The following TOP2B variants were observed in gnomAD, a reference collection of about 807,000 sequenced individuals.
The protein encoded by TOP2B is DNA topoisomerase II beta.
Under a neutral mutation model 193.5 loss-of-function variants are expected in TOP2B, and 51 were observed. The observed-to-expected ratio is 0.26, with a 90% CI of 0.21 to 0.33. TOP2B has a LOEUF of 0.33. TOP2B is among the 10% of genes least tolerant of loss of function. The probability of loss-of-function intolerance (pLI) is 1.00; values close to 1 mark genes in which losing one functional copy is unlikely to be tolerated. For missense variants in TOP2B, 1,378 were observed against 1,909.3 expected (o/e 0.72, Z 5.19); for synonymous variants, 634 against 635.7 (o/e 1.00, Z 0.04).
intron 1 of TOP2B, among the ~76,000 whole-genome samples, chr3:25,654,353 AAAC>A (rs757692582): frequency 6.6e-5 from 10 of 152,332 alleles, no homozygotes; most frequent in Admixed American, 4.6e-4. Flanking sequence ...CAAAAAGGAT[AAAC>A]TACCACAGAG....
At chr3:25,648,918 T>C (rs1477362357) in intron 1 of TOP2B, among the ~76,000 whole-genome samples, 1 of 152,080 alleles carries the variant, frequency 6.6e-6, no homozygotes, top group Non-Finnish European at 1.5e-5. Context: ...AAATATATTG[T>C]CATACAAAGA....
intron 4 of TOP2B, among the ~76,000 whole-genome samples, chr3:25,641,396 A>G (rs1703259643): frequency 6.6e-6 from 1 of 152,198 alleles, no homozygotes; most frequent in Admixed American, 6.5e-5. Context: ...CTAAATAAGG[A>G]AAAGGAATCT....
intron 28 of TOP2B, among the ~76,000 whole-genome samples, chr3:25,611,734 T>A (rs1306102816): frequency 1.3e-5 from 2 of 152,052 alleles, no homozygotes; most frequent in Admixed American, 6.6e-5. Flanking sequence ...TGACACAGGA[T>A]GTGCTTGGTA....
chr3:25,641,072 G>A (rs9841803), intron 4 of TOP2B, among the ~76,000 whole-genome samples: 4 of 151,974 alleles, frequency 2.6e-5, no homozygotes, highest in African/African-American at 9.7e-5. Context: ...GTGAGCTGCC[G>A]CACCTGGCTT....
At position 25,601,210 on chromosome 3, in the gene TOP2B, T is replaced by A. The variant is rs1417575880; in HGVS notation, c.4505A>T (p.Asp1502Val). The A allele has an allele frequency of 6.2e-7, 1 of 1,613,108 alleles. No homozygotes were observed. The highest frequency in any genetic ancestry group is 8.5e-7 in the Non-Finnish European group (1 of 1,179,536). ...GGCTCTCTTGGGCTTAGGGACTGTA[T>A]CTGAAGACGGTTTTCCTAGTAAGCA... is the stretch of plus-strand genomic sequence containing the variant. Reference protein sequence around the residue: ...VAAKKGKPSSDTVPKPKRAPK... With the variant: ...VAAKKGKPSSVTVPKPKRAPK... The change falls in exon 34 of 36, where the codon GAT (aspartate) becomes GTT (valine). Residue 1502 changes from aspartate (D) to valine (V), a missense_variant. Physicochemically the swap from Asp to Val is radical, Grantham distance 152. Transcript: ENST00000264331.
rs144388488 is a variant in TOP2B, at chr3:25,655,914, G to A, written c.69+8315C>T. On this transcript the variant is annotated intron_variant, in intron 1 of 35. Transcript: ENST00000264331. ...TTAGTGTTTAGTAGATATAGTTTCA[G>A]TTTGGGAAAATGAAATACTTCTAGA... Among the ~76,000 whole-genome samples the A allele has an allele frequency of 3.5e-3, 535 of 152,254 alleles. 5 individuals carry two copies. The highest frequency in any genetic ancestry group is 0.027 in the Middle Eastern group (8 of 294).
At chr3:25,604,471 A>G (rs573588048) in intron 33 of TOP2B, among the ~76,000 whole-genome samples, 1 of 152,290 alleles carries the variant, frequency 6.6e-6, no homozygotes, top group Non-Finnish European at 1.5e-5. Flanking sequence ...GCAAGACAAA[A>G]TTTTAATCTC....
chr3:25,648,154 T>C (rs1380926568), intron 1 of TOP2B, among the ~76,000 whole-genome samples: 1 of 152,220 alleles, frequency 6.6e-6, no homozygotes, highest in Non-Finnish European at 1.5e-5. Context: ...AGTACTGACA[T>C]TGAACAGGGT....
intron 1 of TOP2B, among the ~76,000 whole-genome samples, chr3:25,657,266 T>C (rs1703773587): frequency 6.6e-6 from 1 of 152,170 alleles, no homozygotes; most frequent in South Asian, 2.1e-4. Flanking sequence ...AATCAAAATC[T>C]GGGGTAAGGG....
chr3:25,602,428 A>C (rs1211795091), intron 33 of TOP2B, among the ~76,000 whole-genome samples: 4 of 148,042 alleles, frequency 2.7e-5, no homozygotes, highest in East Asian at 2.0e-4. Context: ...AAAAAAAAAA[A>C]CTGATAAATC....
At chr3:25,622,297 G>C (rs1203432883) in intron 21 of TOP2B, among the ~76,000 whole-genome samples, 1 of 152,050 alleles carries the variant, frequency 6.6e-6, no homozygotes, top group African/African-American at 2.4e-5. Flanking sequence ...TTAAAAATTT[G>C]ATGCTTATGT....
intron 5 of TOP2B, among the ~76,000 whole-genome samples, chr3:25,637,673 G>A (rs776587733): frequency 1.2e-4 from 18 of 151,744 alleles, no homozygotes; most frequent in East Asian, 1.9e-4. Context: ...ATCATTTCCC[G>A]GAGCGTTGGT....
rs369981352 is a variant in TOP2B, at chr3:25,624,961, G to C, written c.2225-158C>G. On this transcript the variant is annotated intron_variant, in intron 18 of 35. Coordinates refer to ENST00000264331, the MANE Select transcript of TOP2B (RefSeq NM_001330700.2). ...GAGTACATACTAACACGTTTGTTTTGTTTGTTTGTTTTTTCCTAGAAAGCC... is the reference window on the plus strand; with the variant it reads ...GAGTACATACTAACACGTTTGTTTTCTTTGTTTGTTTTTTCCTAGAAAGCC... 1.3e-4 allele frequency: 84 copies of C among 662,766 alleles called. No individual in the cohort carries two copies. In the African/African-American group the frequency reaches 1.4e-3, roughly 11 times the overall value. The allele number at this position is 662,766 out of a possible 1,614,324, so 41.1% of individuals were successfully genotyped here. A position where few individuals can be genotyped will look rare whatever the true frequency, so the allele number is the denominator to read the frequency against.
chr3:25,601,552 G>T (rs1021602828), intron 33 of TOP2B, among the ~76,000 whole-genome samples: 1 of 152,092 alleles, frequency 6.6e-6, no homozygotes, highest in East Asian at 1.9e-4. Context: ...CCGGGAGGTC[G>T]CAGTGAGCTG....
At position 25,627,211 on chromosome 3, in the gene TOP2B, A is replaced by G. The variant is rs775115178; in HGVS notation, c.1992T>C (p.Pro664=). 2.5e-6 allele frequency: 4 copies of G among 1,603,740 alleles called. No homozygotes were observed. The highest frequency in any genetic ancestry group is 1.7e-6 in the Non-Finnish European group (2 of 1,176,934). ...RHRILFRYAG[P]EDDAAITLAF... ...CCAAGGTAATGGCAGCATCATCTTC[A>G]GGACCAGCATATCTAAACAAGATGC... The change falls in exon 16 of 36, where the codon CCT becomes CCC. Residue 664 remains proline, a synonymous_variant. Transcript: ENST00000264331.
chr3:25,626,750 G>C (rs1248844379), intron 17 of TOP2B, 22 bp downstream of exon 17: 6 of 1,577,268 alleles, frequency 3.8e-6, no homozygotes, highest in Non-Finnish European at 5.2e-6. Flanking sequence ...CTTTCCCCAG[G>C]TCACCACTCT....
intron 28 of TOP2B, among the ~76,000 whole-genome samples, chr3:25,610,420 A>C (rs1346606058): frequency 2.0e-5 from 3 of 152,218 alleles, no homozygotes; most frequent in Non-Finnish European, 4.4e-5. Flanking sequence ...GGGTCAAAAA[A>C]GTCTCCATGG....
chr3:25,633,901 G>C lies in TOP2B; in HGVS notation c.966C>G (p.Leu322=), dbSNP rs1703029781. 6.2e-7 allele frequency: 1 copy of C among 1,612,972 alleles called. No homozygotes were observed. Among genetic ancestry groups the C allele is most frequent in the African/African-American group, 1.3e-5 (1 of 74,870 alleles). The part of the protein sequence containing the change: ...ELANERWDVC[L]TLSEKGFQQI... The stretch of plus-strand genomic sequence containing the variant: ...GCTGGAATCCTTTTTCACTCAATGT[G>C]AGACAAACATCCCATCTTTCATTTG... Residue 322 remains leucine, a synonymous_variant, in exon 8 of 36, where the codon CTC becomes CTG. Coordinates refer to ENST00000264331, the MANE Select transcript of TOP2B (RefSeq NM_001330700.2).
At chr3:25,652,048 G>A (rs1056127713) in intron 1 of TOP2B, among the ~76,000 whole-genome samples, 14 of 152,152 alleles carry the variant, frequency 9.2e-5, no homozygotes, top group African/African-American at 3.4e-4. Flanking sequence ...GAGAGTGGCC[G>A]TACTTACATC....
Sources: allele counts gnomAD v4.1 joint callset (sites outside exome capture counted in the v4.1 genomes callset), GRCh38; gene constraint gnomAD v4.1.1; transcripts MANE v1.5; gene names NCBI Gene and HGNC (gene_info 2026-07-23, HGNC 2026-07-21).